The following IL1RAPL2 variants were observed in gnomAD, a reference collection of about 807,000 sequenced individuals.
IL1RAPL2 encodes the protein interleukin 1 receptor accessory protein like 2, also known as X-linked interleukin-1 receptor accessory protein-like 2.
In IL1RAPL2, 3 loss-of-function variants were observed where a neutral mutation model predicts 44.1. The ratio of observed to expected loss-of-function variants is 0.07; its 90% CI spans 0.03 to 0.18. The LOEUF (loss-of-function observed/expected upper bound fraction) is 0.18. IL1RAPL2 is among the 10% of genes least tolerant of loss of function. The pLI is 1.00. For missense variants in IL1RAPL2, 391 were observed against 496.4 expected (o/e 0.79, Z 2.02); for synonymous variants, 181 against 178.8 (o/e 1.01, Z -0.10).
intron 1 of IL1RAPL2, among the ~76,000 whole-genome samples, chrX:104,582,828 CTTTCTTTCTTTCTT>C (rs1928427390): frequency 4.6e-5 from 3 of 65,108 alleles, no homozygotes; most frequent in African/African-American, 2.0e-4. Context: ...CTTTCTCTTT[CTTTCTTTCTTTCTT>C]TCTTTCTTTC....
chrX:105,300,307 G>A (rs929505910), intron 5 of IL1RAPL2, among the ~76,000 whole-genome samples: 1 of 111,136 alleles, frequency 9.0e-6, no homozygotes, highest in African/African-American at 3.3e-5. Flanking sequence ...GCCTCAGGAA[G>A]CTTCCAATCA....
At chrX:105,201,508 C>G (rs2033717638) in intron 3 of IL1RAPL2, among the ~76,000 whole-genome samples, 1 of 111,801 alleles carries the variant, frequency 8.9e-6, no homozygotes, top group African/African-American at 3.3e-5. Flanking sequence ...ACCTAGGTAT[C>G]ATATATAAGC....
chrX:104,836,374 G>A (rs1244281914), intron 2 of IL1RAPL2, among the ~76,000 whole-genome samples: 1 of 110,376 alleles, frequency 9.1e-6, no homozygotes, highest in Non-Finnish European at 1.9e-5. Context: ...GACTATAGTC[G>A]ATAATAATAT....
At chrX:104,852,142 G>A (rs1259917457) in intron 2 of IL1RAPL2, among the ~76,000 whole-genome samples, 1 of 111,597 alleles carries the variant, frequency 9.0e-6, no homozygotes, top group East Asian at 2.8e-4. Context: ...ATAATGAACT[G>A]GGAGACTCTT....
chrX:105,480,135 G>A (rs1276500637), intron 5 of IL1RAPL2, among the ~76,000 whole-genome samples: 2 of 112,220 alleles, frequency 1.8e-5, no homozygotes, highest in South Asian at 3.7e-4. Flanking sequence ...GACAATGAAA[G>A]TTGTCATAAC....
intron 1 of IL1RAPL2, among the ~76,000 whole-genome samples, chrX:104,654,552 T>C (rs1218209834): frequency 9.0e-6 from 1 of 111,203 alleles, no homozygotes; most frequent in African/African-American, 3.3e-5. Context: ...AAGAGGCACC[T>C]GGGGGCTCCA....
At chrX:104,881,621 A>G (rs1923073857) in intron 2 of IL1RAPL2, among the ~76,000 whole-genome samples, 1 of 112,237 alleles carries the variant, frequency 8.9e-6, no homozygotes, top group Non-Finnish European at 1.9e-5. Context: ...ACGCTGGGAA[A>G]AGTGCATAGA....
At chrX:105,292,403 A>G (rs146695506) in intron 5 of IL1RAPL2, among the ~76,000 whole-genome samples, 10 of 112,322 alleles carry the variant, frequency 8.9e-5, no homozygotes, top group Admixed American at 8.5e-4. Flanking sequence ...TGTGTTTGGT[A>G]TAGTATCGAA....
At chrX:104,696,980 G>C (rs1408437483) in intron 2 of IL1RAPL2, among the ~76,000 whole-genome samples, 1 of 112,271 alleles carries the variant, frequency 8.9e-6, no homozygotes, top group Non-Finnish European at 1.9e-5. Context: ...AAGTAAACTT[G>C]ATATGTGAAT....
intron 2 of IL1RAPL2, among the ~76,000 whole-genome samples, chrX:104,946,617 C>T (rs1395314940): frequency 1.0e-4 from 9 of 86,873 alleles, no homozygotes; most frequent in Non-Finnish European, 2.0e-4. Flanking sequence ...TTCCTGTGTC[C>T]ATGTGTTCTC....
chrX:105,374,730 C>T (rs1043155380), intron 5 of IL1RAPL2, among the ~76,000 whole-genome samples: 3 of 109,908 alleles, frequency 2.7e-5, no homozygotes, highest in South Asian at 3.9e-4. Flanking sequence ...GGGTGGATCA[C>T]GAGGTCAGGA....
At chrX:105,575,901 A>T (rs969405984) in intron 6 of IL1RAPL2, among the ~76,000 whole-genome samples, 3 of 110,487 alleles carry the variant, frequency 2.7e-5, no homozygotes, top group African/African-American at 9.9e-5. Context: ...GTGGTTTTTG[A>T]TTTGCATTTT....
intron 5 of IL1RAPL2, among the ~76,000 whole-genome samples, chrX:105,448,033 T>C (rs1220266946): frequency 9.4e-6 from 1 of 105,967 alleles, no homozygotes; most frequent in Non-Finnish European, 1.9e-5. Flanking sequence ...AAAGGTTTTT[T>C]TTCTTCAGCA....
At chrX:105,514,411 A>G (rs907342640) in intron 6 of IL1RAPL2, among the ~76,000 whole-genome samples, 5 of 112,208 alleles carry the variant, frequency 4.5e-5, no homozygotes, top group Admixed American at 9.5e-5. Flanking sequence ...GTCTTAGTTT[A>G]TACTTTTACC....
chrX:105,454,278 A>G (rs762679192), intron 5 of IL1RAPL2, among the ~76,000 whole-genome samples: 1 of 111,862 alleles, frequency 8.9e-6, no homozygotes, highest in East Asian at 2.8e-4. Flanking sequence ...AGACAGAACT[A>G]ATGCTGTGTT....
chrX:104,909,072 T>G, intron 2 of IL1RAPL2, among the ~76,000 whole-genome samples: 1 of 111,516 alleles, frequency 9.0e-6, no homozygotes, highest in Non-Finnish European at 1.9e-5. Context: ...TAAACTTCCC[T>G]TCTCGCTTCA....
chrX:104,798,821 C>T (rs1302008866), intron 2 of IL1RAPL2, among the ~76,000 whole-genome samples: 1 of 110,825 alleles, frequency 9.0e-6, no homozygotes, highest in Non-Finnish European at 1.9e-5. Context: ...TTTAATTGTC[C>T]CTCCTAATAT....
At position 105,219,675 on chromosome X, in the gene IL1RAPL2, T is replaced by A. The variant is rs1556177316; in HGVS notation, c.357-14143T>A. ...CCGCCGCCTCTTCTTCCTCCTCAGC[T>A]GCTCCTTCTGTGCAAACCCCTCCGG... is the stretch of plus-strand genomic sequence containing the variant. On this transcript the variant is annotated intron_variant, in intron 3 of 10. Coordinates refer to ENST00000372582, the MANE Select transcript of IL1RAPL2 (RefSeq NM_017416.2). The A allele has an allele frequency of 5.0e-6, 6 of 1,210,280 alleles. No individual in the cohort carries two copies. The South Asian group carries it at 1.1e-4, about 21-fold the overall frequency.
chrX:105,563,796 A>C (rs906235087), intron 6 of IL1RAPL2, among the ~76,000 whole-genome samples: 11 of 111,493 alleles, frequency 9.9e-5, no homozygotes, highest in Non-Finnish European at 1.9e-4. Context: ...ATGGAGAAAA[A>C]AATGAAAGGA....
Sources: gnomAD v4.1 joint callset for allele counts (sites outside exome capture counted in the v4.1 genomes callset) on GRCh38, gnomAD v4.1.1 for gene constraint, MANE v1.5 for transcripts, NCBI Gene and HGNC (gene_info 2026-07-23, HGNC 2026-07-21) for gene names.